Variants in MYH14 observed in about 807,000 individuals in gnomAD.
MYH14 encodes the protein myosin-14.
A neutral mutation model predicts 255.5 loss-of-function variants in MYH14; 123 were observed. That is an observed-to-expected ratio of 0.48 (90% CI 0.42 to 0.56). MYH14 has a LOEUF of 0.56. MYH14 is among the 20% of genes least tolerant of loss of function. MYH14 has a pLI of 0.00. For synonymous variants in MYH14, 1,095 were observed against 1,161.2 expected, an observed-to-expected ratio of 0.94 and a Z score of 1.16; for missense variants, 2,423 against 2,802.3, an observed-to-expected ratio of 0.86 and a Z score of 3.06.
At chr19:50,258,958 C>T (rs980692630) in intron 18 of MYH14, among the ~76,000 whole-genome samples, 186 bp from the exon 19 acceptor site, 2 of 152,124 alleles carry the variant, frequency 1.3e-5, no homozygotes, top group Non-Finnish European at 2.9e-5. Flanking sequence ...ACTGAACTCT[C>T]AGTTCCCCAG....
At position 50,231,941 on chromosome 19, in the gene MYH14, C is replaced by T. The variant is rs1335360912; in HGVS notation, c.985C>T (p.Leu329Phe). 1 of 1,614,002 alleles carries T rather than the reference C, an allele frequency of 6.2e-7. No individual in the cohort carries two copies. Among genetic ancestry groups the T allele is most frequent in the Non-Finnish European group, 8.5e-7 (1 of 1,179,894 alleles). ...CATTGTCCCTGCAGCCGACCTCCTC[C>T]TCGAGCCCTGCTCCCACTACCGGTT... is the stretch of plus-strand genomic sequence containing the variant. ...AGEQLKADLL[L>F]EPCSHYRFLT... is the part of the protein sequence containing the mutation. The change falls in exon 10 of 43, where the codon CTC becomes TTC. Residue 329 changes from leucine (L) to phenylalanine (F), a missense_variant. By Grantham distance (22) the Leu-to-Phe change is conservative. Around this residue, in one of 3 missense-constraint regions of MYH14, gnomAD observed 672 missense variants for 881.8 expected, o/e 0.76. Coordinates refer to ENST00000642316, the MANE Select transcript of MYH14 (RefSeq NM_001145809.2).
At chr19:50,206,104 G>GGCCCTGCCC (rs2123136005) in intron 1 of MYH14, among the ~76,000 whole-genome samples, 1 of 152,212 alleles carries the variant, frequency 6.6e-6, no homozygotes, top group East Asian at 1.9e-4. Context: ...AAGGCCTGCA[G>GGCCCTGCCC]GCCCTGCCCG....
chr19:50,224,032 T>TGCCCCCCCC, intron 5 of MYH14, 122 bp from the exon 6 acceptor site: 1 of 610,324 alleles, frequency 1.6e-6, no homozygotes, highest in Non-Finnish European at 3.0e-6. Flanking sequence ...ATGCCCGGTT[T>TGCCCCCCCC]CCCCAGTCCC....
rs563958969 is a variant in MYH14, at chr19:50,294,497, C to T, written c.5469+810C>T. On this transcript the variant is annotated intron_variant, in intron 39 of 42. Coordinates refer to ENST00000642316, the MANE Select transcript of MYH14 (RefSeq NM_001145809.2). Reference sequence around the variant, plus strand: ...TTGCCCAAGCTGGAGTGCAGTGGTGCTATCTCGGCTCACTGCAACCTCTGC... The same window carrying T: ...TTGCCCAAGCTGGAGTGCAGTGGTGTTATCTCGGCTCACTGCAACCTCTGC... Among the ~76,000 whole-genome samples the T allele has an allele frequency of 6.6e-4, 96 of 145,798 alleles. 1 individual carries two copies. The highest frequency in any genetic ancestry group is 3.7e-3 in the Middle Eastern group (1 of 272).
chr19:50,276,888 A>G lies in MYH14; in HGVS notation c.3812A>G (p.Glu1271Gly). ...QALGELAEQL[E>G]QARRGKGAWE... ...CTGGGGGAGCTGGCGGAGCAGCTGG[A>G]GCAGGCCCGGAGGGTGGGTTGGGGC... The change falls in exon 29 of 43, where the codon GAG becomes GGG. Residue 1271 changes from glutamate to glycine, a missense_variant. Physicochemically the swap from Glu to Gly is moderately conservative, Grantham distance 98 (BLOSUM62 -2). Coordinates refer to ENST00000642316, the MANE Select transcript of MYH14 (RefSeq NM_001145809.2). The surrounding 1 kb of genome is among the most constrained non-coding windows in gnomAD (Gnocchi z 4.3). 1 of 1,501,912 alleles carries G rather than the reference A, an allele frequency of 6.7e-7. No homozygotes were observed. The highest frequency in any genetic ancestry group is 3.0e-5 in the East Asian group (1 of 33,558). 93.0% of individuals were successfully genotyped at this position (1,501,912 alleles called of 1,614,324 possible).
At chr19:50,235,582 C>T (rs1442701840) in intron 10 of MYH14, among the ~76,000 whole-genome samples, 1 of 151,386 alleles carries the variant, frequency 6.6e-6, no homozygotes, top group Middle Eastern at 3.4e-3. Context: ...GAGTTTGAGA[C>T]CAGCCTGGGC....
intron 8 of MYH14, among the ~76,000 whole-genome samples, chr19:50,229,523 T>G (rs1236390343): frequency 6.6e-6 from 1 of 152,024 alleles, no homozygotes; most frequent in African/African-American, 2.4e-5. Flanking sequence ...ACACCTGTAG[T>G]CCCAGCTACT....
intron 24 of MYH14, 50 bp from the exon 25 acceptor site, chr19:50,271,359 A>G: frequency 7.0e-6 from 11 of 1,563,364 alleles, no homozygotes; most frequent in Non-Finnish European, 9.5e-6. Context: ...TCCCCATCAC[A>G]CTCCATCTAT....
chr19:50,253,274 C>G (rs554103040), intron 16 of MYH14, among the ~76,000 whole-genome samples: 2 of 152,116 alleles, frequency 1.3e-5, no homozygotes, highest in African/African-American at 4.8e-5. Flanking sequence ...GAAACCCTGT[C>G]TCTACTAAAA....
At chr19:50,299,196 G>T (rs545415433) in intron 39 of MYH14, among the ~76,000 whole-genome samples, 1 of 152,314 alleles carries the variant, frequency 6.6e-6, no homozygotes, top group South Asian at 2.1e-4. Context: ...TGCTGAATTA[G>T]ACCGTAAGTG....
At chr19:50,277,944 G>C (rs1039804908) in intron 29 of MYH14, 139 bp from the exon 30 acceptor site, 2 of 558,078 alleles carry the variant, frequency 3.6e-6, no homozygotes, top group East Asian at 6.7e-5. Flanking sequence ...TTGGGAGTGA[G>C]GGGTGAGCTA....
In MYH14 at chr19:50,255,256, C is replaced by T. The variant is rs2034550305; in HGVS notation, c.1982C>T (p.Ser661Phe). The change falls in exon 17 of 43, where the codon TCC becomes TTC. Residue 661 changes from serine (S) to phenylalanine (F), a missense_variant. Transcript: ENST00000642316. ...GGFQQFSFLG[S>F]FPPSPPGSAE... is the part of the protein sequence containing the mutation. ...TTCCAGCAGTTCTCTTTCCTTGGCT[C>T]CTTCCCACCGTCGCCCCCAGGATCT... 1.9e-6 allele frequency: 3 copies of T among 1,551,538 alleles called. No homozygotes were observed. Among genetic ancestry groups the T allele is most frequent in the Non-Finnish European group, 2.6e-6 (3 of 1,146,990 alleles).
At chr19:50,265,145 G>GA (rs1456059714) in intron 22 of MYH14, among the ~76,000 whole-genome samples, 2 of 152,238 alleles carry the variant, frequency 1.3e-5, no homozygotes, top group Admixed American at 1.3e-4. Context: ...CCAGATGGCT[G>GA]TTTTTGCAAA....
chr19:50,263,696 T>C (rs749589237), intron 22 of MYH14, among the ~76,000 whole-genome samples: 11 of 152,174 alleles, frequency 7.2e-5, no homozygotes, highest in Non-Finnish European at 1.0e-4. Context: ...CTGGAAGGAC[T>C]CACAGAACTT....
In MYH14 at chr19:50,296,236, C is replaced by T. The variant is rs114103446; in HGVS notation, c.5469+2549C>T. ...CCAGTCTCTCTGACCACCCAAAAGG[C>T]CTAGAAACAGGGAACCCAGTAGCAA... is the stretch of plus-strand genomic sequence containing the variant. On this transcript the variant is annotated intron_variant, in intron 39 of 42. Coordinates refer to ENST00000642316, the MANE Select transcript of MYH14 (RefSeq NM_001145809.2). Among the ~76,000 whole-genome samples the T allele has an allele frequency of 5.7e-3, 873 of 152,272 alleles. 11 individuals carry two copies. Among genetic ancestry groups the T allele is most frequent in the African/African-American group, 0.02 (833 of 41,550 alleles).
intron 10 of MYH14, among the ~76,000 whole-genome samples, chr19:50,234,427 C>T (rs898916539): frequency 2.0e-5 from 3 of 152,092 alleles, no homozygotes; most frequent in Non-Finnish European, 2.9e-5. Context: ...TGGTCTCTGG[C>T]GCTGTGGGAG....
At chr19:50,286,765 A>G (rs2035906443) in intron 34 of MYH14, 71 bp downstream of exon 34, 2 of 1,375,608 alleles carry the variant, frequency 1.5e-6, no homozygotes, top group Admixed American at 2.0e-5. Flanking sequence ...ATGCTTTCAC[A>G]CATAGAACAT....
intron 34 of MYH14, among the ~76,000 whole-genome samples, chr19:50,287,895 TACAC>T (rs141417074): frequency 2.7e-5 from 4 of 149,204 alleles, no homozygotes; most frequent in African/African-American, 9.9e-5. Flanking sequence ...ATAACACACA[TACAC>T]ACACACACAC....
Position 50,276,636 on chromosome 19 carries a change from A to G in MYH14, c.3681-121A>G. The G allele has an allele frequency of 7.9e-7, 1 of 1,266,554 alleles. No homozygotes were observed. Among genetic ancestry groups the G allele is most frequent in the South Asian group, 1.3e-5 (1 of 77,564 alleles). The allele number at this position is 1,266,554 out of a possible 1,614,324, so 78.5% of individuals were successfully genotyped here. A position where few individuals can be genotyped will look rare whatever the true frequency, so the allele number is the denominator to read the frequency against. On this transcript the variant is annotated intron_variant, in intron 28 of 42. Coordinates refer to ENST00000642316, the MANE Select transcript of MYH14 (RefSeq NM_001145809.2). This position sits in a 1 kb window ranked among gnomAD's most constrained non-coding sequence, Gnocchi z 4.3. ...GCATCACCACCCAGATCTCCTGAGG[A>G]GCATAACATGAGGCCCTCATATTTT... is the stretch of plus-strand genomic sequence containing the variant.
Sources: allele counts gnomAD v4.1 joint callset (sites outside exome capture counted in the v4.1 genomes callset), GRCh38; gene constraint gnomAD v4.1.1; regional missense constraint gnomAD v4.1.1; non-coding constraint Gnocchi (gnomAD v3.1); transcripts MANE v1.5; gene names NCBI Gene and HGNC (gene_info 2026-07-23, HGNC 2026-07-21).